Variants in PDE7B observed in about 807,000 individuals in gnomAD.
The protein encoded by PDE7B is phosphodiesterase 7B.
PDE7B carries 29 observed loss-of-function variants against 56.2 expected under a neutral mutation model. The observed-to-expected ratio is 0.52, with a 90% CI of 0.38 to 0.70. The LOEUF is 0.70. PDE7B is among the 30% of genes least tolerant of loss of function. The pLI is 0.00. For synonymous variants in PDE7B, 197 were observed against 196.9 expected (o/e 1.00, Z 0.00); for missense variants, 490 against 565.0 (o/e 0.87, Z 1.35).
At chr6:135,869,402 C>T (rs1775330093) in intron 1 of PDE7B, among the ~76,000 whole-genome samples, 1 of 152,028 alleles carries the variant, frequency 6.6e-6, no homozygotes, top group African/African-American at 2.4e-5. Flanking sequence ...ATAAAATTGT[C>T]CCCATCTTGA....
At chr6:135,996,883 G>C (rs1775574751) in intron 2 of PDE7B, among the ~76,000 whole-genome samples, 1 of 152,102 alleles carries the variant, frequency 6.6e-6, no homozygotes, top group South Asian at 2.1e-4. Context: ...TACCCACTTA[G>C]AGCACAGGGA....
chr6:135,914,959 G>A (rs1352033801), intron 1 of PDE7B, among the ~76,000 whole-genome samples: 4 of 151,692 alleles, frequency 2.6e-5, no homozygotes, highest in Admixed American at 2.6e-4. Flanking sequence ...CAGGTGTGGT[G>A]GCAGGTGCCT....
intron 10 of PDE7B, among the ~76,000 whole-genome samples, chr6:136,180,335 C>G (rs1269035034): frequency 6.6e-6 from 1 of 152,226 alleles, no homozygotes. Flanking sequence ...TGGCCTTGAA[C>G]ACTTGCATTT....
At chr6:136,004,907 G>C (rs1224108203) in intron 2 of PDE7B, among the ~76,000 whole-genome samples, 1 of 151,928 alleles carries the variant, frequency 6.6e-6, no homozygotes, top group Non-Finnish European at 1.5e-5. Flanking sequence ...TCAATCCTAA[G>C]CCAAAAGAAC....
At chr6:136,089,347 G>A (rs918131646) in intron 2 of PDE7B, among the ~76,000 whole-genome samples, 5 of 152,114 alleles carry the variant, frequency 3.3e-5, no homozygotes, top group Non-Finnish European at 7.4e-5. Flanking sequence ...TCTTCTATTT[G>A]AATTTATTTC....
chr6:135,996,264 T>A (rs1325326113), intron 2 of PDE7B, among the ~76,000 whole-genome samples: 1 of 152,214 alleles, frequency 6.6e-6, no homozygotes, highest in Non-Finnish European at 1.5e-5. Context: ...TCTTTCAAAC[T>A]GGTTTTTCTA....
At chr6:136,059,721 C>G (rs1436926702) in intron 2 of PDE7B, among the ~76,000 whole-genome samples, 1 of 152,150 alleles carries the variant, frequency 6.6e-6, no homozygotes, top group African/African-American at 2.4e-5. Flanking sequence ...AATCATGCTG[C>G]TCAGTTTTCA....
chr6:136,075,614 C>T (rs1308821905), intron 2 of PDE7B, among the ~76,000 whole-genome samples: 1 of 152,208 alleles, frequency 6.6e-6, no homozygotes, highest in Non-Finnish European at 1.5e-5. Flanking sequence ...AGTGTGGTTG[C>T]ATATTGCAAT....
chr6:135,997,883 C>CT (rs1307724090), intron 2 of PDE7B, among the ~76,000 whole-genome samples: 1 of 152,034 alleles, frequency 6.6e-6, no homozygotes, highest in Admixed American at 6.6e-5. Context: ...TGGTCATTTT[C>CT]TTTTTAATAC....
intron 8 of PDE7B, among the ~76,000 whole-genome samples, chr6:136,167,609 G>T (rs1778815376): frequency 1.3e-5 from 2 of 152,126 alleles, no homozygotes; most frequent in African/African-American, 4.8e-5. Flanking sequence ...CCAGTCTTGG[G>T]TATGTCTTTA....
intron 1 of PDE7B, among the ~76,000 whole-genome samples, chr6:135,868,816 G>A (rs1775315359): frequency 6.6e-6 from 1 of 152,206 alleles, no homozygotes; most frequent in Non-Finnish European, 1.5e-5. Context: ...CTGCTTAACT[G>A]AAATTGAATT....
At chr6:136,084,552 G>A (rs555389521) in intron 2 of PDE7B, among the ~76,000 whole-genome samples, 2 of 152,280 alleles carry the variant, frequency 1.3e-5, no homozygotes, top group South Asian at 4.1e-4. Flanking sequence ...GAAAAACTTT[G>A]TGTTTCTGTG....
At chr6:136,131,975 C>T (rs79944271) in intron 3 of PDE7B, among the ~76,000 whole-genome samples, 2,813 of 152,202 alleles carry the variant, frequency 0.018, 86 homozygotes, top group African/African-American at 0.056. Context: ...ATGAATTACA[C>T]GGTTAGAAAG....
intron 8 of PDE7B, among the ~76,000 whole-genome samples, chr6:136,169,210 G>A (rs571256770): frequency 1.3e-5 from 2 of 152,112 alleles, no homozygotes; most frequent in East Asian, 1.9e-4. Flanking sequence ...ATAAATGTTA[G>A]TCTCTCCTCT....
At chr6:136,048,058 A>G (rs1239823778) in intron 2 of PDE7B, among the ~76,000 whole-genome samples, 2 of 150,616 alleles carry the variant, frequency 1.3e-5, no homozygotes, top group African/African-American at 4.9e-5. Flanking sequence ...ATGTTGAGGT[A>G]GATGGATGGA....
At chr6:136,151,820 T>C (rs867890641) in intron 6 of PDE7B, among the ~76,000 whole-genome samples, 18 of 71,286 alleles carry the variant, frequency 2.5e-4, no homozygotes, top group Middle Eastern at 6.8e-3. Context: ...GTGCCTGTAA[T>C]CCCAGCTACT....
chr6:136,127,800 T>C (rs568574359), intron 3 of PDE7B, among the ~76,000 whole-genome samples: 1 of 152,348 alleles, frequency 6.6e-6, no homozygotes, highest in South Asian at 2.1e-4. Context: ...GAGGGGGTTT[T>C]GACCAAGTCA....
intron 2 of PDE7B, among the ~76,000 whole-genome samples, chr6:136,050,335 G>A (rs2128211092): frequency 6.6e-6 from 1 of 151,854 alleles, no homozygotes; most frequent in Non-Finnish European, 1.5e-5. Flanking sequence ...GTCTAGGAGA[G>A]TCCCAAGCCC....
chr6:136,106,810 G>A (rs897623011), intron 2 of PDE7B, among the ~76,000 whole-genome samples: 14 of 152,136 alleles, frequency 9.2e-5, no homozygotes, highest in African/African-American at 3.1e-4. Context: ...ACTTTTCTTG[G>A]TAGCTTTCCT....
Sources: gnomAD v4.1 joint callset for allele counts (sites outside exome capture counted in the v4.1 genomes callset) on GRCh38, gnomAD v4.1.1 for gene constraint, MANE v1.5 for transcripts, NCBI Gene and HGNC (gene_info 2026-07-23, HGNC 2026-07-21) for gene names.